PITPNC1: variants seen among roughly 807,000 people sequenced by gnomAD.
PITPNC1 encodes phosphatidylinositol transfer protein cytoplasmic 1.
A neutral mutation model predicts 44.7 loss-of-function variants in PITPNC1; 18 were observed. That is an observed-to-expected ratio of 0.40 (90% CI 0.28 to 0.60). The LOEUF (loss-of-function observed/expected upper bound fraction) is 0.60. Ranked by LOEUF, PITPNC1 falls within the 20% of genes least tolerant of loss-of-function variation. The pLI is 0.39. For missense variants in PITPNC1, 290 were observed against 418.4 expected (o/e 0.69, Z 2.68); for synonymous variants, 141 against 149.6 (o/e 0.94, Z 0.42).
intron 1 of PITPNC1, among the ~76,000 whole-genome samples, chr17:67,484,957 C>T (rs566722218): frequency 2.0e-5 from 3 of 152,088 alleles, no homozygotes; most frequent in African/African-American, 7.2e-5. Flanking sequence ...ACTTCCAAAA[C>T]CATTTTTACA....
At chr17:67,519,663 T>C (rs2040301642) in intron 1 of PITPNC1, among the ~76,000 whole-genome samples, 1 of 152,180 alleles carries the variant, frequency 6.6e-6, no homozygotes, top group Admixed American at 6.6e-5. Flanking sequence ...GAATGAATGG[T>C]GCCTCCCTGC....
At chr17:67,675,414 A>G in intron 7 of PITPNC1, 65 bp from the exon 8 acceptor site, 1 of 1,111,152 alleles carries the variant, frequency 9.0e-7, no homozygotes, top group Non-Finnish European at 1.4e-6. Context: ...ATTGTTAACA[A>G]CTTGTCTTCC....
intron 1 of PITPNC1, among the ~76,000 whole-genome samples, chr17:67,403,856 C>T (rs930119532): frequency 2.6e-5 from 4 of 152,078 alleles, no homozygotes; most frequent in Non-Finnish European, 5.9e-5. Flanking sequence ...ACCCTGTCTC[C>T]ACTAAAAATA....
intron 1 of PITPNC1, among the ~76,000 whole-genome samples, chr17:67,389,235 G>T (rs894774209): frequency 1.3e-5 from 2 of 152,248 alleles, no homozygotes; most frequent in Admixed American, 6.5e-5. Flanking sequence ...TGCAAGGCTA[G>T]CAGGAGCTTC....
At chr17:67,473,173 G>T (rs2039571540) in intron 1 of PITPNC1, among the ~76,000 whole-genome samples, 1 of 152,022 alleles carries the variant, frequency 6.6e-6, no homozygotes. Context: ...ACCGTGCCCG[G>T]CCAATTAATG....
At chr17:67,629,046 A>G (rs1041396519) in intron 5 of PITPNC1, among the ~76,000 whole-genome samples, 1 of 152,192 alleles carries the variant, frequency 6.6e-6, no homozygotes, top group African/African-American at 2.4e-5. Context: ...GAAAACTGCA[A>G]TGGGTGCAAT....
chr17:67,454,119 C>T (rs370971219), intron 1 of PITPNC1, among the ~76,000 whole-genome samples: 11 of 152,138 alleles, frequency 7.2e-5, no homozygotes, highest in Admixed American at 2.0e-4. Flanking sequence ...GGCCTGGTGG[C>T]GGGCACCTGT....
rs2043015213 is a variant in PITPNC1, at chr17:67,696,681, C to T, written c.*3793C>T. 1 of 152,210 alleles carries T rather than the reference C, an allele frequency of 6.6e-6. No individual in the cohort carries two copies. The highest frequency in any genetic ancestry group is 2.4e-5 in the African/African-American group (1 of 41,450). The allele number at this position is 152,210 out of a possible 1,614,324, so 9.4% of individuals were successfully genotyped here. ...TACACAATAGCACACTGTTGGCATG[C>T]TGAGGCAAAACATTGGGTTCTTTTG... On this transcript the variant is annotated 3_prime_UTR_variant, in exon 9 of 9. Transcript: ENST00000581322.
intron 5 of PITPNC1, among the ~76,000 whole-genome samples, chr17:67,595,328 A>AT (rs1228866579): frequency 6.6e-6 from 1 of 152,190 alleles, no homozygotes; most frequent in Non-Finnish European, 1.5e-5. Context: ...AAAGGGAACC[A>AT]TTGAATCTTC....
chr17:67,634,690 G>A (rs1459466942), intron 6 of PITPNC1, among the ~76,000 whole-genome samples: 1 of 152,150 alleles, frequency 6.6e-6, no homozygotes, highest in Non-Finnish European at 1.5e-5. Context: ...AGGAAGGCAG[G>A]TACGGGGAGA....
At chr17:67,587,995 G>A (rs1025907471) in intron 5 of PITPNC1, among the ~76,000 whole-genome samples, 1 of 152,046 alleles carries the variant, frequency 6.6e-6, no homozygotes, top group African/African-American at 2.4e-5. Flanking sequence ...CCATCGTGAA[G>A]TTTGTTTTCT....
chr17:67,689,481 T>C (rs1227478721), intron 8 of PITPNC1, among the ~76,000 whole-genome samples: 1 of 152,150 alleles, frequency 6.6e-6, no homozygotes, highest in Non-Finnish European at 1.5e-5. Flanking sequence ...CCTTAGTCTT[T>C]CTCCTGTATC....
chr17:67,564,529 C>A (rs2040949345), intron 4 of PITPNC1, among the ~76,000 whole-genome samples: 1 of 152,166 alleles, frequency 6.6e-6, no homozygotes, highest in Non-Finnish European at 1.5e-5. Flanking sequence ...ATCTTCCTCA[C>A]CTAGTGCATA....
At chr17:67,682,702 AAT>A (rs1274127338) in intron 8 of PITPNC1, among the ~76,000 whole-genome samples, 2 of 152,192 alleles carry the variant, frequency 1.3e-5, no homozygotes, top group Non-Finnish European at 2.9e-5. Context: ...TACCAGTTGC[AAT>A]ATTCTCTTAA....
At chr17:67,634,868 C>T (rs2042015345) in intron 6 of PITPNC1, among the ~76,000 whole-genome samples, 1 of 152,188 alleles carries the variant, frequency 6.6e-6, no homozygotes, top group Non-Finnish European at 1.5e-5. Context: ...GCCTGGCCAA[C>T]AGAATGAAAC....
rs2042996499 is a variant in PITPNC1, at chr17:67,695,549, C to T, written c.*2661C>T. 6.6e-6 allele frequency: 1 copy of T among 150,578 alleles called. No individual in the cohort carries two copies. The highest frequency in any genetic ancestry group is 1.5e-5 in the Non-Finnish European group (1 of 67,736). The allele number at this position is 150,578 out of a possible 1,614,324, so 9.3% of individuals were successfully genotyped here. A position where few individuals can be genotyped will look rare whatever the true frequency, so the allele number is the denominator to read the frequency against. On this transcript the variant is annotated 3_prime_UTR_variant, in exon 9 of 9. Coordinates refer to ENST00000581322, the MANE Select transcript of PITPNC1 (RefSeq NM_012417.4). Reference sequence around the variant, plus strand: ...GGAAATAGAATCCTTAACTCAGTGCCTCTGTCTGCGATATGGAAACCTTCA... The same window carrying T: ...GGAAATAGAATCCTTAACTCAGTGCTTCTGTCTGCGATATGGAAACCTTCA...
chr17:67,595,073 A>T (rs1056022209), intron 5 of PITPNC1, among the ~76,000 whole-genome samples: 1 of 152,212 alleles, frequency 6.6e-6, no homozygotes, highest in Non-Finnish European at 1.5e-5. Context: ...GTGGCATCTT[A>T]GAATCAATGA....
intron 5 of PITPNC1, among the ~76,000 whole-genome samples, chr17:67,618,728 G>A (rs1285908659): frequency 3.3e-5 from 5 of 151,522 alleles, no homozygotes; most frequent in Non-Finnish European, 5.9e-5. Context: ...CTCCAGCCTG[G>A]GTGACAGAAC....
At chr17:67,592,605 A>C (rs1299575412) in intron 5 of PITPNC1, among the ~76,000 whole-genome samples, 1 of 151,422 alleles carries the variant, frequency 6.6e-6, no homozygotes, top group Non-Finnish European at 1.5e-5. Context: ...AGAATGTGGT[A>C]TTTGCACAAA....
Sources: allele counts gnomAD v4.1 joint callset (sites outside exome capture counted in the v4.1 genomes callset), GRCh38; gene constraint gnomAD v4.1.1; transcripts MANE v1.5; gene names NCBI Gene and HGNC (gene_info 2026-07-23, HGNC 2026-07-21).